Variants in NUP35 observed in about 807,000 individuals in gnomAD.
NUP35 encodes nucleoporin 35.
A neutral mutation model predicts 41.5 loss-of-function variants in NUP35; 25 were observed. That is an observed-to-expected ratio of 0.60 (90% CI 0.44 to 0.84). NUP35 has a LOEUF of 0.84. Ranked by LOEUF, NUP35 falls within the 40% of genes least tolerant of loss-of-function variation. The pLI is 0.00. For missense variants in NUP35, 396 were observed against 396.6 expected (o/e 1.00, Z 0.01); for synonymous variants, 149 against 130.7 (o/e 1.14, Z -0.96).
Position 183,161,165 on chromosome 2 carries a change from C to G in NUP35, c.*34C>G. ...CAAGAAGGAGGTTGCTACACTAAAA[C>G]AGAGTTAGCAGAGTGCTGCTGGTTC... On this transcript the variant is annotated 3_prime_UTR_variant, in exon 9 of 9. Coordinates refer to ENST00000295119, the MANE Select transcript of NUP35 (RefSeq NM_138285.5). 2 of 1,451,522 alleles carry G rather than the reference C, an allele frequency of 1.4e-6. No homozygotes were observed. Among genetic ancestry groups the G allele is most frequent in the South Asian group, 1.2e-5 (1 of 86,330 alleles). 89.9% of individuals were successfully genotyped at this position (1,451,522 alleles called of 1,614,324 possible).
chr2:183,145,401 C>T (rs538586113), intron 4 of NUP35, among the ~76,000 whole-genome samples: 3 of 152,108 alleles, frequency 2.0e-5, no homozygotes, highest in Non-Finnish European at 4.4e-5. Flanking sequence ...TGCTGGTGCT[C>T]CAAAAGTTAC....
intron 8 of NUP35, 116 bp downstream of exon 8, chr2:183,159,768 C>T: frequency 1.3e-6 from 1 of 762,400 alleles, no homozygotes; most frequent in South Asian, 2.0e-5. Flanking sequence ...GAGGCTATTA[C>T]CTTGATGAAA....
At chr2:183,148,081 G>A (rs1248517364) in intron 4 of NUP35, among the ~76,000 whole-genome samples, 1 of 152,152 alleles carries the variant, frequency 6.6e-6, no homozygotes, top group Non-Finnish European at 1.5e-5. Context: ...CTGTGCCTGG[G>A]TTGTTTCACT....
At chr2:183,119,571 A>G (rs1272039931), upstream of NUP35, among the ~76,000 whole-genome samples, 1 of 152,196 alleles carries the variant, frequency 6.6e-6, no homozygotes, top group Non-Finnish European at 1.5e-5. Flanking sequence ...GATGTGAGCA[A>G]GAAATACAAT....
chr2:183,143,438 T>C (rs1011427149), intron 4 of NUP35, among the ~76,000 whole-genome samples: 6 of 152,176 alleles, frequency 3.9e-5, no homozygotes, highest in African/African-American at 1.4e-4. Context: ...GGGCTTCACT[T>C]TTAAGTGTTC....
At chr2:183,142,588 C>T (rs946323634) in intron 4 of NUP35, among the ~76,000 whole-genome samples, 1 of 151,792 alleles carries the variant, frequency 6.6e-6, no homozygotes, top group Non-Finnish European at 1.5e-5. Context: ...TCAAGTGATT[C>T]TTCTGCCTCA....
At chr2:183,154,893 A>G (rs900412400) in intron 5 of NUP35, among the ~76,000 whole-genome samples, 1 of 152,200 alleles carries the variant, frequency 6.6e-6, no homozygotes, top group African/African-American at 2.4e-5. Context: ...ACAGTTCCAC[A>G]TGGCTGGGGA....
intron 4 of NUP35, among the ~76,000 whole-genome samples, chr2:183,147,982 A>G (rs756323618): frequency 7.9e-5 from 12 of 151,696 alleles, no homozygotes; most frequent in Non-Finnish European, 1.2e-4. Flanking sequence ...CTCAGCTTGA[A>G]TGTTATTGGT....
At chr2:183,129,066 C>G (rs779256263) in intron 2 of NUP35, among the ~76,000 whole-genome samples, 14 of 152,156 alleles carry the variant, frequency 9.2e-5, no homozygotes, top group Non-Finnish European at 1.6e-4. Flanking sequence ...CATCATTTAG[C>G]TTCAACTGAA....
At position 183,128,353 on chromosome 2, in the gene NUP35, C is replaced by G. The variant is rs1268491518; in HGVS notation, c.107C>G (p.Pro36Arg). The stretch of plus-strand genomic sequence containing the variant: ...CCAGGAGTTAATGCCCAGTTCTTAC[C>G]TGGATTTTTAATGGGGGATTTGCCA... ...PKPGVNAQFL[P>R]GFLMGDLPAP... Residue 36 changes from proline to arginine, a missense_variant, in exon 2 of 9, where the codon CCT becomes CGT. Transcript: ENST00000295119. 13 of 1,613,948 alleles carry G rather than the reference C, an allele frequency of 8.1e-6. No homozygotes were observed. Among genetic ancestry groups the G allele is most frequent in the Non-Finnish European group, 1.0e-5 (12 of 1,179,942 alleles).
rs553612585 is a variant in NUP35 at position 183,137,843 on chromosome 2, G to A, written c.397+4220G>A. Among the ~76,000 whole-genome samples the A allele has an allele frequency of 1.5e-4, 22 of 151,614 alleles. No homozygotes were observed. The South Asian group carries it at 4.2e-3, about 29-fold the overall frequency. On this transcript the variant is annotated intron_variant, in intron 4 of 8. Coordinates refer to ENST00000295119, the MANE Select transcript of NUP35 (RefSeq NM_138285.5). ...TTAAGTAATGTTTTACATTTTAGTGGCTCTCTTAGTTGACTGAAAAGCATA... is the reference window on the plus strand; with the variant it reads ...TTAAGTAATGTTTTACATTTTAGTGACTCTCTTAGTTGACTGAAAAGCATA...
chr2:183,122,990 C>A (rs1345143284), upstream of NUP35, among the ~76,000 whole-genome samples: 2 of 152,102 alleles, frequency 1.3e-5, no homozygotes, highest in African/African-American at 2.4e-5. Context: ...CTGGGTGGGT[C>A]CTAAATGTCA....
At chr2:183,136,102 A>G (rs1445816708) in intron 4 of NUP35, among the ~76,000 whole-genome samples, 3 of 152,144 alleles carry the variant, frequency 2.0e-5, no homozygotes, top group Non-Finnish European at 4.4e-5. Flanking sequence ...AATGTTCTTC[A>G]AGGAAACTTA....
intron 5 of NUP35, among the ~76,000 whole-genome samples, chr2:183,155,760 C>G (rs904331738): frequency 1.3e-5 from 2 of 152,024 alleles, no homozygotes; most frequent in African/African-American, 2.4e-5. Context: ...GGTACCCACT[C>G]TTAAATCTGT....
At chr2:183,123,788 C>T (rs1559139667), upstream of NUP35, 3 of 985,320 alleles carry the variant, frequency 3.0e-6, no homozygotes, top group South Asian at 4.7e-5. Context: ...ATGGCACATG[C>T]AGAAGCACGC....
At position 183,129,467 on chromosome 2, in the gene NUP35, T is replaced by C. The variant is rs77189675; in HGVS notation, c.212-951T>C. Among the ~76,000 whole-genome samples, 1,312 of 152,290 alleles carry C rather than the reference T, an allele frequency of 8.6e-3. 18 individuals are homozygous for C. Among genetic ancestry groups the C allele is most frequent in the African/African-American group, 0.03 (1,234 of 41,560 alleles). ...TTAAAGTATTTTTGCTTTAAAATGGTTTATTATTTAGGATTTATCAGGGAG... is the reference window on the plus strand; with the variant it reads ...TTAAAGTATTTTTGCTTTAAAATGGCTTATTATTTAGGATTTATCAGGGAG... On this transcript the variant is annotated intron_variant, in intron 2 of 8. Transcript: ENST00000295119.
At chr2:183,130,074 T>C (rs986204117) in intron 2 of NUP35, among the ~76,000 whole-genome samples, 1 of 152,242 alleles carries the variant, frequency 6.6e-6, no homozygotes, top group Non-Finnish European at 1.5e-5. Flanking sequence ...TGTATTTAAA[T>C]GTTAAGCGTT....
At chr2:183,156,163 G>C (rs992104212) in intron 5 of NUP35, among the ~76,000 whole-genome samples, 4 of 152,106 alleles carry the variant, frequency 2.6e-5, no homozygotes, top group African/African-American at 7.2e-5. Context: ...TATTTCTTAA[G>C]TACTTCCCTC....
At chr2:183,133,691 G>T in intron 4 of NUP35, 68 bp downstream of exon 4, 1 of 1,042,874 alleles carries the variant, frequency 9.6e-7, no homozygotes, top group Non-Finnish European at 1.4e-6. Context: ...CCACGCTGGA[G>T]TGCAGTGGTG....
Sources: allele counts gnomAD v4.1 joint callset (sites outside exome capture counted in the v4.1 genomes callset), GRCh38; gene constraint gnomAD v4.1.1; transcripts MANE v1.5; gene names NCBI Gene and HGNC (gene_info 2026-07-23, HGNC 2026-07-21).